The following HTR1F variants were observed in gnomAD, a reference collection of about 807,000 sequenced individuals.
HTR1F encodes the protein 5-hydroxytryptamine (serotonin) receptor 1F, G protein-coupled.
In HTR1F, 17 loss-of-function variants were observed where a neutral mutation model predicts 24.0. The ratio of observed to expected loss-of-function variants is 0.71; its 90% CI spans 0.48 to 1.06. The LOEUF is 1.06. Among genes scored for constraint, HTR1F ranks in the 50% least tolerant of loss-of-function variants. The probability of loss-of-function intolerance (pLI) is 0.00; values close to 1 mark genes in which losing one functional copy is unlikely to be tolerated. For synonymous variants in HTR1F, 186 were observed against 156.8 expected, an observed-to-expected ratio of 1.19 and a Z score of -1.39; for missense variants, 391 against 427.8, an observed-to-expected ratio of 0.91 and a Z score of 0.76.
At chr3:87,910,629 A>T (rs914608862) in intron 2 of HTR1F, among the ~76,000 whole-genome samples, 1 of 152,012 alleles carries the variant, frequency 6.6e-6, no homozygotes, top group Non-Finnish European at 1.5e-5. Flanking sequence ...GATCTTATAG[A>T]CCTCTACAGA....
intron 1 of HTR1F, among the ~76,000 whole-genome samples, chr3:87,801,155 A>T (rs1317264150): frequency 6.6e-6 from 1 of 152,216 alleles, no homozygotes; most frequent in East Asian, 1.9e-4. Flanking sequence ...AAATATCTGA[A>T]TTAAATCTGG....
intron 2 of HTR1F, among the ~76,000 whole-genome samples, chr3:87,979,939 G>C (rs1705505789): frequency 6.6e-6 from 1 of 152,220 alleles, no homozygotes; most frequent in African/African-American, 2.4e-5. Context: ...GAAGCATGAA[G>C]ATGCCAGGAA....
At chr3:87,972,068 C>T (rs1349868179) in intron 2 of HTR1F, among the ~76,000 whole-genome samples, 1 of 152,060 alleles carries the variant, frequency 6.6e-6, no homozygotes, top group South Asian at 2.1e-4. Flanking sequence ...GTTTTTCATT[C>T]GTTCATTCAT....
chr3:87,907,011 T>A (rs1703681485), intron 2 of HTR1F, among the ~76,000 whole-genome samples: 1 of 152,056 alleles, frequency 6.6e-6, no homozygotes, highest in Non-Finnish European at 1.5e-5. Context: ...TGCAACTATC[T>A]TTTTTTATAT....
At chr3:87,868,598 G>A (rs1171849097) in intron 2 of HTR1F, among the ~76,000 whole-genome samples, 1 of 151,132 alleles carries the variant, frequency 6.6e-6, no homozygotes, top group Admixed American at 6.6e-5. Flanking sequence ...CAAAACTTCA[G>A]GAAAAAATTA....
chr3:87,973,797 T>C (rs189279831), intron 2 of HTR1F, among the ~76,000 whole-genome samples: 129 of 152,354 alleles, frequency 8.5e-4, no homozygotes, highest in Admixed American at 4.8e-3. Flanking sequence ...CAGGGAGTTA[T>C]GATTTTTATT....
At chr3:87,977,145 T>C (rs1006642061) in intron 2 of HTR1F, among the ~76,000 whole-genome samples, 10 of 152,318 alleles carry the variant, frequency 6.6e-5, no homozygotes, top group Admixed American at 4.6e-4. Context: ...GATGGTACTA[T>C]GGATCCCATC....
At chr3:87,939,539 C>T (rs1409620834) in intron 2 of HTR1F, among the ~76,000 whole-genome samples, 2 of 152,112 alleles carry the variant, frequency 1.3e-5, no homozygotes, top group Non-Finnish European at 2.9e-5. Context: ...TAATTACTGC[C>T]TCAATTTCAG....
intron 2 of HTR1F, among the ~76,000 whole-genome samples, chr3:87,934,328 C>T (rs780413010): frequency 2.0e-5 from 3 of 152,184 alleles, no homozygotes; most frequent in Non-Finnish European, 4.4e-5. Flanking sequence ...CCACCTTAAT[C>T]CTGTCATATC....
rs1420675522 is a variant in HTR1F, at chr3:87,992,890, A to G, written c.*1040A>G. On this transcript the variant is annotated 3_prime_UTR_variant, in exon 3 of 3. Coordinates refer to ENST00000319595, the MANE Select transcript of HTR1F (RefSeq NM_001322209.2). ...ACTTTAAAATATTTCTACTTTTCCA[A>G]TTGGTAGAAATGAACAGGAAAAAAG... is the stretch of plus-strand genomic sequence containing the variant. 1 of 166,884 alleles carries G rather than the reference A, an allele frequency of 6.0e-6. No homozygotes were observed. Among genetic ancestry groups the G allele is most frequent in the African/African-American group, 2.4e-5 (1 of 41,428 alleles). The allele number at this position is 166,884 out of a possible 1,614,324, so 10.3% of individuals were successfully genotyped here.
intron 2 of HTR1F, among the ~76,000 whole-genome samples, chr3:87,824,550 A>T (rs1704424689): frequency 1.3e-5 from 2 of 152,312 alleles, no homozygotes; most frequent in African/African-American, 4.8e-5. Flanking sequence ...AGTGGACTGG[A>T]ATAGTGCCTA....
At chr3:87,953,111 T>C (rs772284743) in intron 2 of HTR1F, among the ~76,000 whole-genome samples, 7 of 151,562 alleles carry the variant, frequency 4.6e-5, no homozygotes, top group Non-Finnish European at 1.0e-4. Flanking sequence ...AGAATAAATA[T>C]AGGGAAAACA....
intron 2 of HTR1F, among the ~76,000 whole-genome samples, chr3:87,943,648 T>C (rs368748662): frequency 6.1e-3 from 767 of 125,716 alleles, no homozygotes; most frequent in African/African-American, 0.012. Context: ...ATCACACTTT[T>C]TACATAATTG....
At chr3:87,929,058 A>T (rs1704195856) in intron 2 of HTR1F, among the ~76,000 whole-genome samples, 1 of 152,238 alleles carries the variant, frequency 6.6e-6, no homozygotes, top group Admixed American at 6.5e-5. Flanking sequence ...GTAAAAAAGG[A>T]TATAAAGTAT....
intron 2 of HTR1F, among the ~76,000 whole-genome samples, chr3:87,914,656 C>T (rs950999886): frequency 4.6e-5 from 7 of 151,950 alleles, no homozygotes; most frequent in African/African-American, 1.7e-4. Context: ...GACCCGGGAA[C>T]CTCACCCCCA....
rs1428038319 is a variant in HTR1F, at chr3:87,807,738, A to G, written c.-159-14270A>G. 2.0e-5 allele frequency among the ~76,000 whole-genome samples: 3 copies of G among 151,954 alleles called. No homozygotes were observed. In the South Asian group the frequency reaches 6.2e-4, roughly 31 times the overall value. On this transcript the variant is annotated intron_variant, in intron 1 of 2. Coordinates refer to ENST00000319595, the MANE Select transcript of HTR1F (RefSeq NM_001322209.2). ...GGCTTTCAGGCTTTCTTCATTCAGC[A>G]TGGTGTTACCTGTGGGTTTATTACA...
At chr3:87,803,399 T>C (rs184972110) in intron 1 of HTR1F, among the ~76,000 whole-genome samples, 34 of 152,204 alleles carry the variant, frequency 2.2e-4, no homozygotes, top group Admixed American at 5.2e-4. Flanking sequence ...TAAAAGCAGG[T>C]GCAACATCTC....
chr3:87,795,245 A>G (rs541734914), intron 1 of HTR1F, among the ~76,000 whole-genome samples: 1 of 152,286 alleles, frequency 6.6e-6, no homozygotes, highest in South Asian at 2.1e-4. Flanking sequence ...TGGCCTTTCA[A>G]AGTGTTGGGA....
chr3:87,975,092 T>G (rs915637637), intron 2 of HTR1F, among the ~76,000 whole-genome samples: 2 of 152,142 alleles, frequency 1.3e-5, no homozygotes, highest in Non-Finnish European at 2.9e-5. Flanking sequence ...ACTTATTTAT[T>G]AAAATACTTT....
Sources: allele counts gnomAD v4.1 joint callset (sites outside exome capture counted in the v4.1 genomes callset), GRCh38; gene constraint gnomAD v4.1.1; transcripts MANE v1.5; gene names NCBI Gene and HGNC (gene_info 2026-07-23, HGNC 2026-07-21).